NAALADL2: variants seen among roughly 807,000 people sequenced by gnomAD.
The protein encoded by NAALADL2 is inactive N-acetylated-alpha-linked acidic dipeptidase-like protein 2.
A neutral mutation model predicts 87.2 loss-of-function variants in NAALADL2; 76 were observed. That is an observed-to-expected ratio of 0.87 (90% CI 0.72 to 1.05). The LOEUF (loss-of-function observed/expected upper bound fraction) is 1.05, where lower values mean the gene tolerates loss of function less well. NAALADL2 is among the 50% of genes least tolerant of loss of function. The pLI, the probability that NAALADL2 is intolerant of heterozygous loss-of-function variation, is 0.00. For missense variants in NAALADL2, 1,089 were observed against 945.8 expected (o/e 1.15, Z -1.99); for synonymous variants, 354 against 331.0 (o/e 1.07, Z -0.75).
intron 1 of NAALADL2, among the ~76,000 whole-genome samples, chr3:175,091,156 T>C (rs1480008461): frequency 6.6e-6 from 1 of 152,134 alleles, no homozygotes; most frequent in Non-Finnish European, 1.5e-5. Context: ...CTGAAAAATT[T>C]ATGTCAAATG....
chr3:175,305,284 G>A (rs1029022428), intron 4 of NAALADL2, among the ~76,000 whole-genome samples: 3 of 140,884 alleles, frequency 2.1e-5, no homozygotes, highest in African/African-American at 7.7e-5. Flanking sequence ...GTGTATGTGT[G>A]TGTATGTGTT....
chr3:175,377,906 T>G (rs2148973350), intron 5 of NAALADL2, among the ~76,000 whole-genome samples: 1 of 152,278 alleles, frequency 6.6e-6, no homozygotes, highest in South Asian at 2.1e-4. Flanking sequence ...TCAGCTCCTC[T>G]TCCTACTGAG....
chr3:174,834,978 A>C (rs1288407090), intron 3 of NAALADL2, among the ~76,000 whole-genome samples: 8 of 151,938 alleles, frequency 5.3e-5, no homozygotes, highest in Non-Finnish European at 2.9e-5. Flanking sequence ...AGGATAGTCC[A>C]AAATATGAAA....
At chr3:175,777,275 G>A (rs969712517) in intron 13 of NAALADL2, among the ~76,000 whole-genome samples, 5 of 151,704 alleles carry the variant, frequency 3.3e-5, no homozygotes, top group Admixed American at 1.3e-4. Context: ...AAACCCTTTC[G>A]ATAATGTACT....
At chr3:175,505,266 GAA>G (rs11295985) in intron 9 of NAALADL2, among the ~76,000 whole-genome samples, 11,715 of 130,226 alleles carry the variant, frequency 0.09, 514 homozygotes, top group South Asian at 0.16. Context: ...CCTGTCTCGA[GAA>G]AAAAAAAAAA....
chr3:175,022,000 A>G (rs542326577), intron 1 of NAALADL2, among the ~76,000 whole-genome samples: 1 of 151,996 alleles, frequency 6.6e-6, no homozygotes, highest in African/African-American at 2.4e-5. Context: ...TAACGAGTGA[A>G]TTTTTACTCT....
At chr3:174,762,480 C>T (rs970774214) in intron 3 of NAALADL2, among the ~76,000 whole-genome samples, 1 of 148,988 alleles carries the variant, frequency 6.7e-6, no homozygotes, top group Non-Finnish European at 1.5e-5. Flanking sequence ...TACCATGTTC[C>T]GTATAAAGCA....
intron 6 of NAALADL2, among the ~76,000 whole-genome samples, chr3:175,452,558 C>A (rs1432127240): frequency 6.6e-6 from 1 of 152,036 alleles, no homozygotes; most frequent in Non-Finnish European, 1.5e-5. Flanking sequence ...TTCCATATAG[C>A]ATGCATATAG....
intron 2 of NAALADL2, among the ~76,000 whole-genome samples, chr3:174,643,131 A>G (rs1723422093): frequency 2.0e-5 from 3 of 152,136 alleles, no homozygotes; most frequent in Admixed American, 2.0e-4. Context: ...GACACTATTC[A>G]CTTGTTCAAG....
chr3:174,988,373 A>T (rs1746261096), intron 1 of NAALADL2, among the ~76,000 whole-genome samples: 1 of 152,232 alleles, frequency 6.6e-6, no homozygotes, highest in Non-Finnish European at 1.5e-5. Context: ...ATTACTTAAC[A>T]AATAGTGTTT....
chr3:175,316,922 A>G (rs1365323290), intron 4 of NAALADL2, among the ~76,000 whole-genome samples: 1 of 152,174 alleles, frequency 6.6e-6, no homozygotes, highest in African/African-American at 2.4e-5. Context: ...TAAGAGCACT[A>G]TGATGGCCAG....
chr3:175,696,052 G>A (rs1371348588), intron 11 of NAALADL2, among the ~76,000 whole-genome samples: 2 of 152,104 alleles, frequency 1.3e-5, no homozygotes, highest in Non-Finnish European at 2.9e-5. Context: ...AAACTGTGGT[G>A]AAATATTTTC....
chr3:175,423,458 T>A (rs2149131495), intron 5 of NAALADL2, among the ~76,000 whole-genome samples: 1 of 130,928 alleles, frequency 7.6e-6, no homozygotes, highest in Admixed American at 8.8e-5. Context: ...GATGTTCCCC[T>A]TCCTGTGTCC....
At chr3:175,680,143 G>A (rs773893672) in intron 11 of NAALADL2, among the ~76,000 whole-genome samples, 2 of 152,144 alleles carry the variant, frequency 1.3e-5, no homozygotes, top group African/African-American at 2.4e-5. Flanking sequence ...TATTTTAACC[G>A]TAATATCCCA....
At chr3:175,310,039 G>A (rs1758169890) in intron 4 of NAALADL2, among the ~76,000 whole-genome samples, 1 of 152,144 alleles carries the variant, frequency 6.6e-6, no homozygotes, top group Non-Finnish European at 1.5e-5. Context: ...TGTACTACTA[G>A]TAGCTTATAA....
At chr3:175,122,617 G>A (rs533738323) in intron 2 of NAALADL2, among the ~76,000 whole-genome samples, 1 of 151,838 alleles carries the variant, frequency 6.6e-6, no homozygotes, top group South Asian at 2.1e-4. Flanking sequence ...TAAATTGGGG[G>A]TTTCCTGTTT....
chr3:175,477,739 G>A (rs1725904049), intron 9 of NAALADL2, among the ~76,000 whole-genome samples: 1 of 152,174 alleles, frequency 6.6e-6, no homozygotes, highest in African/African-American at 2.4e-5. Context: ...GAGATGAACA[G>A]TCCATGTGTT....
At chr3:175,231,188 G>A (rs1286988288) in intron 2 of NAALADL2, among the ~76,000 whole-genome samples, 1 of 151,842 alleles carries the variant, frequency 6.6e-6, no homozygotes, top group African/African-American at 2.4e-5. Flanking sequence ...ATTAAAAAAA[G>A]ACAATGGGAA....
At chr3:175,077,356 C>A (rs1042895603) in intron 1 of NAALADL2, among the ~76,000 whole-genome samples, 1 of 152,016 alleles carries the variant, frequency 6.6e-6, no homozygotes, top group Non-Finnish European at 1.5e-5. Context: ...AAAAGAAAAG[C>A]AGAAAGGAAA....
Sources: gnomAD v4.1 joint callset for allele counts (sites outside exome capture counted in the v4.1 genomes callset) on GRCh38, gnomAD v4.1.1 for gene constraint, MANE v1.5 for transcripts, NCBI Gene and HGNC (gene_info 2026-07-23, HGNC 2026-07-21) for gene names.